The following BBS2 variants were observed in gnomAD, a reference collection of about 807,000 sequenced individuals.
The protein encoded by BBS2 is BBSome complex member BBS2.
Under a neutral mutation model 83.0 loss-of-function variants are expected in BBS2, and 62 were observed. That is an observed-to-expected ratio of 0.75 (90% CI 0.61 to 0.92). The LOEUF (loss-of-function observed/expected upper bound fraction) is 0.92, where lower values mean the gene tolerates loss of function less well. Ranked by LOEUF, BBS2 falls within the 40% of genes least tolerant of loss-of-function variation. BBS2 has a pLI of 0.00. For synonymous variants in BBS2, 303 were observed against 326.1 expected (o/e 0.93, Z 0.76); for missense variants, 784 against 901.0 (o/e 0.87, Z 1.66).
At chr16:56,504,444 G>A (rs1341921433) in intron 7 of BBS2, among the ~76,000 whole-genome samples, 1 of 152,196 alleles carries the variant, frequency 6.6e-6, no homozygotes, top group African/African-American at 2.4e-5. Flanking sequence ...GAAAGGAAAG[G>A]ATGGCCCTCC....
chr16:56,516,772 A>T (rs1781448228), intron 1 of BBS2, among the ~76,000 whole-genome samples: 2 of 152,190 alleles, frequency 1.3e-5, no homozygotes, highest in Non-Finnish European at 2.9e-5. Flanking sequence ...AGCTGTAAGG[A>T]TAAAGTCCTG....
At chr16:56,501,288 A>G (rs1964263534) in intron 10 of BBS2, 65 bp downstream of exon 10, 1 of 1,603,266 alleles carries the variant, frequency 6.2e-7, no homozygotes. Flanking sequence ...TCTCAAAAAA[A>G]AAAAAAAGAA....
chr16:56,507,618 G>A (rs1964456549), intron 5 of BBS2, among the ~76,000 whole-genome samples: 2 of 151,952 alleles, frequency 1.3e-5, no homozygotes, highest in Admixed American at 6.6e-5. Context: ...CTTTAAGAAT[G>A]TAATGAAGGC....
In BBS2 at chr16:56,514,613, A is replaced by T; in HGVS notation, c.185T>A (p.Leu62Gln). ...VSASRVFQSP[L>Q]ESDVSLLSIN... ...GCTGAGAAGAGAAACATCAGATTCCAGGGGGCTCTGGAAGACCCTGGATGC... is the reference window on the plus strand; with the variant it reads ...GCTGAGAAGAGAAACATCAGATTCCTGGGGGCTCTGGAAGACCCTGGATGC... Residue 62 changes from leucine to glutamine, a missense_variant, in exon 2 of 17, where the codon CTG becomes CAG. Leu to Gln is a moderately radical substitution (Grantham distance 113). Coordinates refer to ENST00000245157, the MANE Select transcript of BBS2 (RefSeq NM_031885.5). 1 of 1,614,108 alleles carries T rather than the reference A, an allele frequency of 6.2e-7. No individual in the cohort carries two copies. The highest frequency in any genetic ancestry group is 8.5e-7 in the Non-Finnish European group (1 of 1,179,932).
At chr16:56,476,512 A>AT (rs1374452093) in intron 17 of BBS2, 1 of 203,558 alleles carries the variant, frequency 4.9e-6, no homozygotes, top group African/African-American at 2.3e-5. Flanking sequence ...TAAAATATTT[A>AT]TAACATAAAA....
chr16:56,500,447 G>A, intron 11 of BBS2: 1 of 253,810 alleles, frequency 3.9e-6, no homozygotes, highest in Non-Finnish European at 7.7e-6. Flanking sequence ...CCAACATGGT[G>A]AACTCCTGTC....
At chr16:56,473,325 C>G (rs562056921) in intron 17 of BBS2, among the ~76,000 whole-genome samples, 2 of 152,114 alleles carry the variant, frequency 1.3e-5, no homozygotes, top group Non-Finnish European at 2.9e-5. Flanking sequence ...TGAAAAACAC[C>G]GTTCTCTAGT....
downstream of BBS2, among the ~76,000 whole-genome samples, chr16:56,484,177 T>C (rs982720372): frequency 6.6e-6 from 1 of 151,984 alleles, no homozygotes; most frequent in Non-Finnish European, 1.5e-5. Context: ...CAGCTAATTT[T>C]TTGTGTTTTT....
intron 17 of BBS2, among the ~76,000 whole-genome samples, chr16:56,473,568 A>G: frequency 6.6e-6 from 1 of 152,212 alleles, no homozygotes; most frequent in East Asian, 1.9e-4. Context: ...AGCATTGTAC[A>G]TGATGATGTT....
At chr16:56,500,662 A>C (rs1314686860) in intron 11 of BBS2, 192 bp downstream of exon 11, 2 of 598,938 alleles carry the variant, frequency 3.3e-6, no homozygotes, top group Admixed American at 6.0e-5. Context: ...TTAAACTTAC[A>C]TATCAGTTTT....
intron 17 of BBS2, chr16:56,470,797 C>T (rs201458526): frequency 3.9e-5 from 62 of 1,576,934 alleles, no homozygotes; most frequent in Non-Finnish European, 5.0e-5. Context: ...GAAAGGTAAG[C>T]TGTTGTTAGG....
chr16:56,493,273 C>G (rs1375109101), intron 15 of BBS2, among the ~76,000 whole-genome samples: 1 of 150,662 alleles, frequency 6.6e-6, no homozygotes, highest in Non-Finnish European at 1.5e-5. Flanking sequence ...TTAGTCCCAT[C>G]TACTCAGGAG....
At position 56,485,481 on chromosome 16, in the gene BBS2, G is replaced by C. The variant is rs1453713061; in HGVS notation, c.2059+109C>G. ...TGGTGCCAGCTCTGGAGTGTGAAAG[G>C]TATGCTACTTTCAGCCCCAATATGA... On this transcript the variant is annotated intron_variant, in intron 16 of 16. Coordinates refer to ENST00000245157, the MANE Select transcript of BBS2 (RefSeq NM_031885.5). The C allele has an allele frequency of 3.6e-6, 5 of 1,402,318 alleles. No homozygotes were observed. In the East Asian group the frequency reaches 1.1e-4, roughly 32 times the overall value. 86.9% of individuals were successfully genotyped at this position (1,402,318 alleles called of 1,614,324 possible).
At position 56,497,042 on chromosome 16, in the gene BBS2, G is replaced by A. The variant is rs1201600361; in HGVS notation, c.1835C>T (p.Ala612Val). The change falls in exon 15 of 17, where the codon GCT becomes GTT. Residue 612 changes from alanine to valine, a missense_variant. Transcript: ENST00000245157. ...EYHSVHQKLS[A>V]DMADHSNLIR... is the part of the protein sequence containing the mutation. ...CAAATTAGAATGATCAGCCATATCA[G>A]CACTGAGCTTCTGATGCACTGAATG... The A allele has an allele frequency of 4.3e-6, 7 of 1,614,040 alleles. No homozygotes were observed. The highest frequency in any genetic ancestry group is 4.2e-6 in the Non-Finnish European group (5 of 1,179,908).
chr16:56,480,376 A>AAAAAAAAAAAAAAAAAC (rs1555519799), downstream of BBS2, among the ~76,000 whole-genome samples: 8 of 142,374 alleles, frequency 5.6e-5, no homozygotes, highest in South Asian at 2.3e-4. Context: ...CAAAAAAAAA[A>AAAAAAAAAAAAAAAAAC]ACAAAGCTTG....
chr16:56,497,087 C>A lies in BBS2; in HGVS notation c.1798-8G>T, dbSNP rs370273510. 2.5e-6 allele frequency: 4 copies of A among 1,570,786 alleles called. No individual in the cohort carries two copies. The highest frequency in any genetic ancestry group is 3.5e-6 in the Non-Finnish European group (4 of 1,140,720). On this transcript the variant is annotated splice_region_variant and splice_polypyrimidine_tract_variant and intron_variant, in intron 14 of 16. Transcript: ENST00000245157. ...TGAATGATATTCATCCACCTGGAGA[C>A]CATGAACACTCAGGAATGAAAAAGG...
At chr16:56,472,178 C>T (rs534649441) in intron 17 of BBS2, among the ~76,000 whole-genome samples, 16 of 152,050 alleles carry the variant, frequency 1.1e-4, no homozygotes, top group African/African-American at 3.6e-4. Flanking sequence ...CCATGTTGCC[C>T]AGGCTGGTCT....
chr16:56,501,094 A>G (rs1430383699), intron 10 of BBS2, 69 bp from the exon 11 acceptor site: 4 of 1,535,346 alleles, frequency 2.6e-6, no homozygotes, highest in Non-Finnish European at 3.6e-6. Flanking sequence ...GCAGATCACG[A>G]GGTCAGGAGG....
rs111574935 is a variant in BBS2 at position 56,472,137 on chromosome 16, A to AT, written c.*1-1443dup. Among the ~76,000 whole-genome samples the AT allele has an allele frequency of 1.6e-3, 232 of 144,044 alleles. 1 individual carries two copies. Among genetic ancestry groups the AT allele is most frequent in the East Asian group, 0.014 (71 of 4,970 alleles). 94.5% of individuals were successfully genotyped at this position (144,044 alleles called of 152,430 possible). The stretch of plus-strand genomic sequence containing the variant: ...CCACCACACCCAACTAATTTTCTTG[A>AT]TTTTTTTTTTTTTGTAAAGATGGGA... On this transcript the variant is annotated intron_variant, in intron 17 of 17. Coordinates refer to the BBS2 transcript ENST00000682047.
Sources: gnomAD v4.1 joint callset for allele counts (sites outside exome capture counted in the v4.1 genomes callset) on GRCh38, gnomAD v4.1.1 for gene constraint, MANE v1.5 for transcripts, NCBI Gene and HGNC (gene_info 2026-07-23, HGNC 2026-07-21) for gene names.